The following SLC28A2 variants were observed in gnomAD, a reference collection of about 807,000 sequenced individuals.
The protein encoded by SLC28A2 is solute carrier family 28 member 2, also known as sodium/nucleoside cotransporter 2.
A neutral mutation model predicts 72.9 loss-of-function variants in SLC28A2; 69 were observed. The observed-to-expected ratio is 0.95, with a 90% CI of 0.78 to 1.16. The LOEUF (loss-of-function observed/expected upper bound fraction) is 1.16. SLC28A2 is among the 50% of genes most tolerant of loss of function. The probability of loss-of-function intolerance (pLI) is 0.00; values close to 1 mark genes in which losing one functional copy is unlikely to be tolerated. For missense variants in SLC28A2, 745 were observed against 791.1 expected, an observed-to-expected ratio of 0.94 and a Z score of 0.70; for synonymous variants, 296 against 294.1, an observed-to-expected ratio of 1.01 and a Z score of -0.07.
At position 45,260,387 on chromosome 15, in the gene SLC28A2, T is replaced by C. The variant is rs1003092400; in HGVS notation, c.171-1628T>C. 4.6e-5 allele frequency among the ~76,000 whole-genome samples: 7 copies of C among 152,266 alleles called. No homozygotes were observed. In the East Asian group the frequency reaches 1.2e-3, roughly 25 times the overall value. ...GTGCTGGAGGAGCACACCAAAGATA[T>C]CTGGCACACATGGGAAGGCCAGGAT... On this transcript the variant is annotated intron_variant, in intron 3 of 17. Coordinates refer to ENST00000347644, the MANE Select transcript of SLC28A2 (RefSeq NM_004212.4).
intron 4 of SLC28A2, 60 bp downstream of exon 4, chr15:45,262,166 G>T: frequency 8.0e-7 from 1 of 1,245,536 alleles, no homozygotes; most frequent in East Asian, 2.3e-5. Context: ...TTTGCCTTGT[G>T]TCAAGGTGAT....
intron 3 of SLC28A2, among the ~76,000 whole-genome samples, chr15:45,260,345 G>C (rs942101939): frequency 5.9e-5 from 9 of 152,190 alleles, no homozygotes; most frequent in African/African-American, 1.9e-4. Flanking sequence ...CCAGGGCACA[G>C]AGTGGAGTGG....
At chr15:45,253,346 G>A in intron 2 of SLC28A2, 50 bp downstream of exon 2, 6 of 1,553,346 alleles carry the variant, frequency 3.9e-6, no homozygotes, top group African/African-American at 1.4e-5. Context: ...TGCTGCATGG[G>A]CTCCTGTAGG....
Position 45,266,169 on chromosome 15 carries a change from C to A in SLC28A2, c.942+8C>A. The A allele has an allele frequency of 6.2e-7, 1 of 1,602,842 alleles. No homozygotes were observed. Among genetic ancestry groups the A allele is most frequent in the Non-Finnish European group, 8.5e-7 (1 of 1,169,744 alleles). ...AACATCTTTGTGGGTATGGTAAGCA[C>A]CTTGAGGACTTTTGGTCTTCTTCCC... On this transcript the variant is annotated splice_region_variant and intron_variant, in intron 10 of 17. Coordinates refer to ENST00000347644, the MANE Select transcript of SLC28A2 (RefSeq NM_004212.4).
rs755915522 is a variant in SLC28A2, at chr15:45,253,205, G to T, written c.-11G>T. The T allele has an allele frequency of 6.8e-6, 11 of 1,606,496 alleles. No individual in the cohort carries two copies. In the Admixed American group the frequency reaches 1.8e-4, roughly 27 times the overall value. On this transcript the variant is annotated 5_prime_UTR_variant, in exon 2 of 18. Coordinates refer to ENST00000347644, the MANE Select transcript of SLC28A2 (RefSeq NM_004212.4). ...GCCCTGAATTTGTTTTTCAGTTGAG[G>T]AGAACAGGAGATGGAGAAAGCAAGT...
intron 15 of SLC28A2, among the ~76,000 whole-genome samples, chr15:45,271,619 A>AGGAAGGAAGGAG: frequency 6.6e-6 from 1 of 151,288 alleles, no homozygotes; most frequent in South Asian, 2.1e-4. Flanking sequence ...GAAGGAAGGA[A>AGGAAGGAAGGAG]TCTTAGAAGG....
intron 3 of SLC28A2, chr15:45,256,083 G>C (rs1555430662): frequency 6.6e-6 from 1 of 152,038 alleles, no homozygotes; most frequent in Non-Finnish European, 1.5e-5. Context: ...ACCTTAAACT[G>C]CTCTGATATA....
Position 45,272,378 on chromosome 15 carries a change from A to G in SLC28A2, c.1732A>G (p.Ser578Gly). ...LFTGACVSLI[S>G]ACMAGILYVP... ...CACAGGGGCCTGTGTATCCCTTATC[A>G]GTGCCTGTATGGCAGGTAGGTGCCT... The change falls in exon 16 of 18, where the codon AGT becomes GGT. Residue 578 changes from serine to glycine, a missense_variant. By Grantham distance (56) the Ser-to-Gly change is moderately conservative. Coordinates refer to ENST00000347644, the MANE Select transcript of SLC28A2 (RefSeq NM_004212.4). 6.2e-7 allele frequency: 1 copy of G among 1,613,808 alleles called. No homozygotes were observed. Among genetic ancestry groups the G allele is most frequent in the Non-Finnish European group, 8.5e-7 (1 of 1,179,826 alleles).
At chr15:45,258,072 A>G (rs1299199843) in intron 3 of SLC28A2, among the ~76,000 whole-genome samples, 2 of 152,022 alleles carry the variant, frequency 1.3e-5, no homozygotes, top group Non-Finnish European at 2.9e-5. Flanking sequence ...AAAAATACAA[A>G]AATATGTGGG....
chr15:45,266,039 T>C (rs377550381), intron 9 of SLC28A2, 42 bp from the exon 10 acceptor site: 98 of 1,376,392 alleles, frequency 7.1e-5, no homozygotes, highest in Non-Finnish European at 9.5e-5. Context: ...TTCTCCAAGA[T>C]TCCTGCTAAC....
chr15:45,252,764 G>A (rs187795366), intron 1 of SLC28A2, among the ~76,000 whole-genome samples: 3 of 152,284 alleles, frequency 2.0e-5, no homozygotes, highest in South Asian at 2.1e-4. Context: ...TTTAGGGTCC[G>A]GGTCTTCCCA....
intron 5 of SLC28A2, among the ~76,000 whole-genome samples, chr15:45,263,644 A>C (rs1454699904): frequency 6.6e-6 from 1 of 152,096 alleles, no homozygotes; most frequent in Non-Finnish European, 1.5e-5. Flanking sequence ...TTTTCTCTCT[A>C]GTCTCCTAGA....
rs543554648 is a variant in SLC28A2 at position 45,277,545 on chromosome 15, C to A, written c.*2032C>A. 4.7e-5 allele frequency: 7 copies of A among 150,334 alleles called. No homozygotes were observed. The highest frequency in any genetic ancestry group is 8.9e-5 in the Non-Finnish European group (6 of 67,680). 9.3% of individuals were successfully genotyped at this position (150,334 alleles called of 1,614,324 possible). A position where few individuals can be genotyped will look rare whatever the true frequency, so the allele number is the denominator to read the frequency against. ...AGAGGCACCCCGAAAACATGCTAAA[C>A]GAAAGAAGCTAGACACAAAAGTCTT... On this transcript the variant is annotated 3_prime_UTR_variant, in exon 18 of 18. Transcript: ENST00000347644.
chr15:45,265,539 T>C (rs1366067712), intron 8 of SLC28A2, 44 bp from the exon 9 acceptor site: 2 of 1,315,458 alleles, frequency 1.5e-6, no homozygotes, highest in South Asian at 2.4e-5. Context: ...AAACACAGAG[T>C]ATGCAATGTA....
chr15:45,266,931 T>C (rs1378469619), intron 10 of SLC28A2, among the ~76,000 whole-genome samples: 2 of 152,210 alleles, frequency 1.3e-5, no homozygotes, highest in African/African-American at 4.8e-5. Context: ...ATAGATACCA[T>C]TATCTTAGGT....
At chr15:45,267,391 G>A in intron 10 of SLC28A2, 64 bp from the exon 11 acceptor site, 1 of 1,594,224 alleles carries the variant, frequency 6.3e-7, no homozygotes, top group Non-Finnish European at 8.6e-7. Context: ...TGGGGCTGGG[G>A]TGGGCACACT....
chr15:45,263,826 T>G, intron 5 of SLC28A2, 55 bp from the exon 6 acceptor site: 1 of 1,542,062 alleles, frequency 6.5e-7, no homozygotes, highest in Non-Finnish European at 8.8e-7. Context: ...TCTCTGTAAG[T>G]TATTTGTTTT....
At position 45,266,160 on chromosome 15, in the gene SLC28A2, T is replaced by C. The variant is rs1161096350; in HGVS notation, c.941T>C (p.Met314Thr). 9.3e-6 allele frequency: 15 copies of C among 1,610,022 alleles called. No individual in the cohort carries two copies. The highest frequency in any genetic ancestry group is 1.2e-5 in the Non-Finnish European group (14 of 1,176,352). The change falls in exon 10 of 18, where the codon ATG (methionine) becomes ACG (threonine). Residue 314 changes from methionine to threonine, a missense_variant and splice_region_variant. Physicochemically the swap from Met to Thr is moderately conservative, Grantham distance 81. Transcript: ENST00000347644. ...GTGGCAGGAAACATCTTTGTGGGTA[T>C]GGTAAGCACCTTGAGGACTTTTGGT... is the stretch of plus-strand genomic sequence containing the variant. ...LAVAGNIFVG[M>T]TEAPLLIRPY... is the part of the protein sequence containing the mutation.
intron 10 of SLC28A2, among the ~76,000 whole-genome samples, chr15:45,266,560 C>T (rs1397317262): frequency 6.6e-6 from 1 of 152,198 alleles, no homozygotes; most frequent in African/African-American, 2.4e-5. Context: ...TTATCTTGCT[C>T]ATCGCTAACG....
Sources: allele counts gnomAD v4.1 joint callset (sites outside exome capture counted in the v4.1 genomes callset), GRCh38; gene constraint gnomAD v4.1.1; transcripts MANE v1.5; gene names NCBI Gene and HGNC (gene_info 2026-07-23, HGNC 2026-07-21).